BPIFA2: variants seen among roughly 807,000 people sequenced by gnomAD.
BPIFA2 encodes BPI fold containing family A member 2, also known as BPI fold-containing family A member 2.
A neutral mutation model predicts 25.7 loss-of-function variants in BPIFA2; 20 were observed. The ratio of observed to expected loss-of-function variants is 0.78; its 90% CI spans 0.55 to 1.13. The LOEUF (loss-of-function observed/expected upper bound fraction) is 1.13. BPIFA2 is among the 50% of genes most tolerant of loss of function. The probability of loss-of-function intolerance (pLI) is 0.00; values close to 1 mark genes in which losing one functional copy is unlikely to be tolerated. For synonymous variants in BPIFA2, 126 were observed against 124.3 expected (o/e 1.01, Z -0.09); for missense variants, 300 against 298.1 (o/e 1.01, Z -0.05).
upstream of BPIFA2, among the ~76,000 whole-genome samples, chr20:33,165,224 G>T (rs1983689450): frequency 6.6e-6 from 1 of 152,206 alleles, no homozygotes; most frequent in African/African-American, 2.4e-5. Context: ...TTTCTTATTT[G>T]CCCAGAATTC....
intron 1 of BPIFA2, chr20:33,161,924 G>A (rs1260582488): frequency 2.6e-5 from 4 of 152,166 alleles, no homozygotes; most frequent in Non-Finnish European, 5.9e-5. Context: ...ACAGAAACAA[G>A]TCCTTCGAGG....
chr20:33,177,556 C>T (rs891471464), intron 5 of BPIFA2, among the ~76,000 whole-genome samples: 3 of 152,190 alleles, frequency 2.0e-5, no homozygotes, highest in African/African-American at 7.2e-5. Flanking sequence ...CAGCGCTTTT[C>T]TTTGCACTTT....
At chr20:33,171,848 G>T (rs1600598755) in intron 2 of BPIFA2, among the ~76,000 whole-genome samples, 1 of 152,152 alleles carries the variant, frequency 6.6e-6, no homozygotes, top group South Asian at 2.1e-4. Flanking sequence ...CAAGGATCTA[G>T]AACCAGAAAT....
chr20:33,173,965 T>C, intron 3 of BPIFA2, 114 bp from the exon 4 acceptor site: 1 of 788,852 alleles, frequency 1.3e-6, no homozygotes, highest in Non-Finnish European at 2.2e-6. Context: ...TAGTGAAGAC[T>C]AAAGAAGGCA....
chr20:33,178,787 C>G (rs533314238), intron 6 of BPIFA2, among the ~76,000 whole-genome samples: 1 of 152,204 alleles, frequency 6.6e-6, no homozygotes, highest in Admixed American at 6.5e-5. Context: ...CCCACTGAAC[C>G]GGAGTTTAGT....
At chr20:33,174,044 AGGAGTGACAAG>A in intron 3 of BPIFA2, 24 bp from the exon 4 acceptor site, 1 of 1,567,822 alleles carries the variant, frequency 6.4e-7, no homozygotes, top group Non-Finnish European at 8.8e-7. Context: ...GGCTGTCATG[AGGAGTGACAAG>A]GGTGAATTGT....
intron 1 of BPIFA2, among the ~76,000 whole-genome samples, chr20:33,162,286 C>T (rs2146446451): frequency 6.6e-6 from 1 of 152,250 alleles, no homozygotes; most frequent in African/African-American, 2.4e-5. Context: ...CAGCCTCTCC[C>T]ATGGTTTTTA....
intron 5 of BPIFA2, among the ~76,000 whole-genome samples, chr20:33,176,772 G>T (rs1214809127): frequency 6.6e-6 from 1 of 152,100 alleles, no homozygotes; most frequent in African/African-American, 2.4e-5. Flanking sequence ...TTGTATCCCT[G>T]TACCCTCCCC....
At chr20:33,169,679 A>C (rs1248064536) in intron 2 of BPIFA2, among the ~76,000 whole-genome samples, 1 of 152,238 alleles carries the variant, frequency 6.6e-6, no homozygotes, top group South Asian at 2.1e-4. Context: ...CCTGTCTCAC[A>C]GATGAAAAGC....
Position 33,173,018 on chromosome 20 carries a change from G to A in BPIFA2, c.244G>A (p.Glu82Lys). 6.2e-7 allele frequency: 1 copy of A among 1,614,100 alleles called. No homozygotes were observed. The highest frequency in any genetic ancestry group is 8.5e-7 in the Non-Finnish European group (1 of 1,180,000). ...GGCCAAGCAGAAGGCCCAGGAAGCT[G>A]AGAAATTGCTGAACAATGTCATTTC... ...QLAKQKAQEA[E>K]KLLNNVISKL... The change falls in exon 3 of 9, where the codon GAG becomes AAG. Residue 82 changes from glutamate to lysine, a missense_variant. Coordinates refer to ENST00000354932, the MANE Select transcript of BPIFA2 (RefSeq NM_080574.4).
chr20:33,179,705 C>G (rs1045951783), intron 7 of BPIFA2, 38 bp downstream of exon 7: 3 of 1,555,298 alleles, frequency 1.9e-6, no homozygotes, highest in Non-Finnish European at 2.7e-6. Context: ...CTGAGGCAGG[C>G]ATGGAGCTCT....
upstream of BPIFA2, among the ~76,000 whole-genome samples, chr20:33,167,073 G>A (rs1282577468): frequency 6.6e-6 from 1 of 152,256 alleles, no homozygotes; most frequent in Non-Finnish European, 1.5e-5. Flanking sequence ...GCCCAGCTCT[G>A]TGCTGTAACA....
intron 4 of BPIFA2, 83 bp from the exon 5 acceptor site, chr20:33,175,324 A>G (rs1984037074): frequency 4.4e-6 from 6 of 1,357,508 alleles, no homozygotes; most frequent in Non-Finnish European, 6.1e-6. Context: ...ATTCTGACTC[A>G]TGTCCACACA....
At chr20:33,174,275 C>A in intron 4 of BPIFA2, 89 bp downstream of exon 4, 1 of 1,163,246 alleles carries the variant, frequency 8.6e-7, no homozygotes, top group Non-Finnish European at 1.3e-6. Context: ...CCTCCTCCCG[C>A]TGCTGGGTGA....
chr20:33,169,709 C>A (rs1983837920), intron 2 of BPIFA2, among the ~76,000 whole-genome samples: 1 of 152,306 alleles, frequency 6.6e-6, no homozygotes, highest in Non-Finnish European at 1.5e-5. Context: ...TTTCACTTTG[C>A]ATTCCTCTAA....
intron 5 of BPIFA2, among the ~76,000 whole-genome samples, chr20:33,176,567 G>A (rs2146456075): frequency 6.6e-6 from 1 of 152,332 alleles, no homozygotes; most frequent in East Asian, 1.9e-4. Context: ...TAAATTCAGA[G>A]GCTGGAGCCT....
intron 1 of BPIFA2, among the ~76,000 whole-genome samples, chr20:33,163,033 G>A (rs1011515841): frequency 1.3e-5 from 2 of 152,232 alleles, no homozygotes; most frequent in Admixed American, 6.5e-5. Flanking sequence ...GTCAGTGTGC[G>A]TGTTGGCCTC....
At chr20:33,180,706 A>G (rs1313833312) in intron 8 of BPIFA2, 109 bp downstream of exon 8, 1 of 859,204 alleles carries the variant, frequency 1.2e-6, no homozygotes, top group Non-Finnish European at 1.8e-6. Context: ...CATCTCAGTC[A>G]TAGATTGAGC....
intron 4 of BPIFA2, among the ~76,000 whole-genome samples, chr20:33,174,859 C>T (rs148119110): frequency 0.015 from 2,326 of 152,206 alleles, 49 homozygotes; most frequent in African/African-American, 0.053. Flanking sequence ...TGCAGTGAGC[C>T]GTGATTGCAC....
Sources: gnomAD v4.1 joint callset for allele counts (sites outside exome capture counted in the v4.1 genomes callset) on GRCh38, gnomAD v4.1.1 for gene constraint, MANE v1.5 for transcripts, NCBI Gene and HGNC (gene_info 2026-07-23, HGNC 2026-07-21) for gene names.